HCN1: variants seen among roughly 807,000 people sequenced by gnomAD.
HCN1 encodes hyperpolarization activated cyclic nucleotide gated potassium channel 1.
HCN1 carries 13 observed loss-of-function variants against 78.9 expected under a neutral mutation model. The ratio of observed to expected loss-of-function variants is 0.16; its 90% CI spans 0.11 to 0.26. The LOEUF (loss-of-function observed/expected upper bound fraction) is 0.26. Among genes scored for constraint, HCN1 ranks in the 10% least tolerant of loss-of-function variants. HCN1 has a pLI of 1.00. For missense variants in HCN1, 810 were observed against 1,154.3 expected, an observed-to-expected ratio of 0.70 and a Z score of 4.32; for synonymous variants, 552 against 455.5, an observed-to-expected ratio of 1.21 and a Z score of -2.70.
At chr5:45,586,334 TA>T (rs559753320) in intron 2 of HCN1, among the ~76,000 whole-genome samples, 86 of 152,264 alleles carry the variant, frequency 5.6e-4, no homozygotes, top group African/African-American at 1.9e-3. Context: ...AAGCACGGGA[TA>T]AAATCTCCTG....
At chr5:45,267,068 G>T in intron 7 of HCN1, 21 bp downstream of exon 7, 3 of 1,593,126 alleles carry the variant, frequency 1.9e-6, no homozygotes, top group Non-Finnish European at 2.6e-6. Flanking sequence ...TTTATATAAA[G>T]AAGGTAGAAA....
intron 2 of HCN1, among the ~76,000 whole-genome samples, chr5:45,588,881 G>T (rs1453109564): frequency 1.3e-5 from 2 of 152,118 alleles, no homozygotes; most frequent in African/African-American, 2.4e-5. Context: ...TTTATCTCAC[G>T]CCTGATAAAA....
chr5:45,277,754 G>A (rs1384051097), intron 6 of HCN1, among the ~76,000 whole-genome samples: 1 of 152,130 alleles, frequency 6.6e-6, no homozygotes, highest in Admixed American at 6.6e-5. Context: ...TATAACTCAG[G>A]TAGCAGCCCA....
chr5:45,597,439 A>T (rs1420069181), intron 2 of HCN1, among the ~76,000 whole-genome samples: 3 of 152,238 alleles, frequency 2.0e-5, no homozygotes, highest in Non-Finnish European at 4.4e-5. Flanking sequence ...AGAGCTATTT[A>T]TGACAAACCC....
intron 2 of HCN1, among the ~76,000 whole-genome samples, chr5:45,517,062 T>C (rs1228846139): frequency 2.0e-5 from 3 of 152,074 alleles, no homozygotes; most frequent in Admixed American, 6.6e-5. Context: ...AGGAAAAAAA[T>C]TGTAAGACTG....
chr5:45,660,161 A>C (rs1745898097), intron 1 of HCN1, among the ~76,000 whole-genome samples: 1 of 123,458 alleles, frequency 8.1e-6, no homozygotes, highest in Non-Finnish European at 1.6e-5. Flanking sequence ...ACATTCTTAA[A>C]GAAAAGAATT....
Position 45,599,362 on chromosome 5 carries a change from G to A in HCN1, c.849+45823C>T, listed in dbSNP as rs572437293. Among the ~76,000 whole-genome samples, 79 of 146,164 alleles carry A rather than the reference G, an allele frequency of 5.4e-4. 1 individual carries two copies. The East Asian group carries it at 0.013, about 24-fold the overall frequency. On this transcript the variant is annotated intron_variant, in intron 2 of 7. Coordinates refer to ENST00000303230, the MANE Select transcript of HCN1 (RefSeq NM_021072.4). ...CTCATGGGTGGGAATTGAACAATAA[G>A]AACACTTGGACACATGGCGGGGAAC...
chr5:45,605,598 C>A (rs746356705), intron 2 of HCN1, among the ~76,000 whole-genome samples: 135 of 151,796 alleles, frequency 8.9e-4, no homozygotes, highest in Non-Finnish European at 4.9e-4. Context: ...AAAAATTGTG[C>A]AGATTTTATA....
At chr5:45,549,166 C>CA (rs1743300880) in intron 2 of HCN1, among the ~76,000 whole-genome samples, 1 of 151,962 alleles carries the variant, frequency 6.6e-6, no homozygotes, top group Non-Finnish European at 1.5e-5. Flanking sequence ...CATATGGAAC[C>CA]AAAAAAGAGT....
chr5:45,302,863 A>G (rs1579793073), intron 6 of HCN1, among the ~76,000 whole-genome samples: 1 of 151,824 alleles, frequency 6.6e-6, no homozygotes, highest in Non-Finnish European at 1.5e-5. Flanking sequence ...TTTCCTCATT[A>G]TCTCTTGCTG....
At chr5:45,490,484 T>C (rs1483374332) in intron 2 of HCN1, among the ~76,000 whole-genome samples, 1 of 152,186 alleles carries the variant, frequency 6.6e-6, no homozygotes, top group African/African-American at 2.4e-5. Flanking sequence ...TTCCTCTTTC[T>C]GAGCATTCTT....
intron 2 of HCN1, among the ~76,000 whole-genome samples, chr5:45,479,943 TA>T (rs1416094255): frequency 6.6e-6 from 1 of 152,174 alleles, no homozygotes; most frequent in Non-Finnish European, 1.5e-5. Context: ...AAGCTTTCCA[TA>T]AAAATCTCTG....
At chr5:45,683,711 G>A (rs1739750217) in intron 1 of HCN1, among the ~76,000 whole-genome samples, 1 of 150,314 alleles carries the variant, frequency 6.7e-6, no homozygotes, top group Non-Finnish European at 1.5e-5. Context: ...TTGTCATTTA[G>A]CCTGGATGGA....
intron 2 of HCN1, among the ~76,000 whole-genome samples, chr5:45,584,180 C>A (rs549730783): frequency 6.6e-6 from 1 of 152,210 alleles, no homozygotes; most frequent in East Asian, 1.9e-4. Flanking sequence ...CTTTGTGGGT[C>A]TCTAAGGACT....
chr5:45,346,003 C>A (rs1385607039), intron 5 of HCN1, among the ~76,000 whole-genome samples: 1 of 152,200 alleles, frequency 6.6e-6, no homozygotes, highest in Non-Finnish European at 1.5e-5. Context: ...CCTCAAGAAA[C>A]TTACAAGCAT....
intron 1 of HCN1, among the ~76,000 whole-genome samples, chr5:45,661,026 T>C (rs1745924432): frequency 9.1e-6 from 1 of 109,994 alleles, no homozygotes; most frequent in Non-Finnish European, 1.8e-5. Flanking sequence ...ACACCACACC[T>C]ATTCCAAAAT....
chr5:45,572,476 T>A (rs1743855772), intron 2 of HCN1, among the ~76,000 whole-genome samples: 1 of 152,174 alleles, frequency 6.6e-6, no homozygotes, highest in South Asian at 2.1e-4. Flanking sequence ...TTCACACACT[T>A]GGAAAATATC....
intron 1 of HCN1, among the ~76,000 whole-genome samples, chr5:45,654,433 A>C (rs1299816215): frequency 6.6e-6 from 1 of 152,128 alleles, no homozygotes; most frequent in East Asian, 1.9e-4. Flanking sequence ...TTTTCATTTG[A>C]TGGACCACTG....
At chr5:45,436,048 C>A (rs1740555268) in intron 3 of HCN1, among the ~76,000 whole-genome samples, 1 of 152,122 alleles carries the variant, frequency 6.6e-6, no homozygotes, top group Admixed American at 6.5e-5. Flanking sequence ...ATTGAAGCTT[C>A]AGTTTTCTCT....
Sources: gnomAD v4.1 joint callset for allele counts (sites outside exome capture counted in the v4.1 genomes callset) on GRCh38, gnomAD v4.1.1 for gene constraint, MANE v1.5 for transcripts, NCBI Gene and HGNC (gene_info 2026-07-23, HGNC 2026-07-21) for gene names.